Variants in FLYWCH1 observed in about 807,000 individuals in gnomAD.
FLYWCH1 encodes the protein FLYWCH-type zinc finger-containing protein 1.
In FLYWCH1, 75 loss-of-function variants were observed where a neutral mutation model predicts 66.4. The observed-to-expected ratio is 1.13, with a 90% CI of 0.94 to 1.37. FLYWCH1 has a LOEUF of 1.37. Among genes scored for constraint, FLYWCH1 ranks in the 40% most tolerant of loss-of-function variants. FLYWCH1 has a pLI of 0.00. For synonymous variants in FLYWCH1, 595 were observed against 429.9 expected (o/e 1.38, Z -4.75); for missense variants, 1,334 against 1,001.8 (o/e 1.33, Z -4.48).
intron 9 of FLYWCH1, chr16:2,943,562 A>G (rs1389851198): frequency 6.6e-6 from 1 of 151,852 alleles, no homozygotes; most frequent in East Asian, 1.9e-4. Context: ...ACAACCTCCA[A>G]CACGCTTTCA....
chr16:2,947,500 C>A (rs906546266), intron 9 of FLYWCH1, among the ~76,000 whole-genome samples: 2 of 152,186 alleles, frequency 1.3e-5, no homozygotes, highest in Admixed American at 1.3e-4. Flanking sequence ...GTGGCTCACG[C>A]CAGTCATGCC....
In FLYWCH1 at chr16:2,930,789, G is replaced by T. The variant is rs1195629463; in HGVS notation, c.705G>T (p.Val235=). 3.1e-6 allele frequency: 5 copies of T among 1,593,430 alleles called. No homozygotes were observed. The highest frequency in any genetic ancestry group is 4.3e-6 in the Non-Finnish European group (5 of 1,174,566). ...AGCCCGAGCCCACTCCTGGGCTGGT[G>T]CTGAGCAAGCCGGCCCTGGAGGAGG... is the stretch of plus-strand genomic sequence containing the variant. ...PEEPEPTPGL[V]LSKPALEEEE... Residue 235 remains valine (V), a synonymous_variant, in exon 4 of 10, where the codon GTG becomes GTT. Coordinates refer to ENST00000253928, the MANE Select transcript of FLYWCH1 (RefSeq NM_001308068.2).
At chr16:2,913,831 G>T (rs1004759405) in intron 1 of FLYWCH1, among the ~76,000 whole-genome samples, 3 of 151,644 alleles carry the variant, frequency 2.0e-5, no homozygotes, top group Admixed American at 2.0e-4. Flanking sequence ...TGGGAGGTGG[G>T]TAGACACTGG....
In FLYWCH1 at chr16:2,912,985, TTC is replaced by T. The variant is rs1229367506; in HGVS notation, c.-188+835_-188+836del. ...ATTTTCTCGTGTGATTATATCATGT[TTC>T]TCTTGTTCCTTTCCCAAGTGCTACT... On this transcript the variant is annotated intron_variant, in intron 1 of 9. Coordinates refer to ENST00000253928, the MANE Select transcript of FLYWCH1 (RefSeq NM_001308068.2). 3.3e-5 allele frequency: 5 copies of T among 152,358 alleles called. No homozygotes were observed. The East Asian group carries it at 9.6e-4, about 29-fold the overall frequency. 9.4% of individuals were successfully genotyped at this position (152,358 alleles called of 1,614,324 possible). A position where few individuals can be genotyped will look rare whatever the true frequency, so the allele number is the denominator to read the frequency against.
chr16:2,933,455 C>T lies in FLYWCH1; in HGVS notation c.1122C>T (p.Tyr374=), dbSNP rs1410156261. The change falls in exon 5 of 10, where the codon TAC becomes TAT. Residue 374 remains tyrosine (Y), a synonymous_variant. Transcript: ENST00000253928. ...TCCGAGGCGTGGATAGTTTGCTCTA[C>T]CGCAGGGGTCCGGGTCCCCTGACTC... ...TLLRGVDSLL[Y]RRGPGPLTLT... is the part of the protein sequence containing the mutation. The T allele has an allele frequency of 1.2e-6, 2 of 1,600,844 alleles. No homozygotes were observed. The highest frequency in any genetic ancestry group is 1.3e-5 in the African/African-American group (1 of 74,674).
intron 2 of FLYWCH1, chr16:2,922,924 C>G (rs941389960): frequency 2.9e-5 from 15 of 524,028 alleles, no homozygotes; most frequent in Admixed American, 7.8e-5. Context: ...GCTCGTTTCT[C>G]CTGGGGGCGC....
intron 8 of FLYWCH1, 63 bp downstream of exon 8, chr16:2,938,519 C>CCTG: frequency 6.9e-7 from 1 of 1,453,514 alleles, no homozygotes; most frequent in South Asian, 1.5e-5. Context: ...CAGCTCAGAA[C>CCTG]TGATGCCCCA....
intron 2 of FLYWCH1, among the ~76,000 whole-genome samples, chr16:2,916,430 T>C (rs2150883489): frequency 6.6e-6 from 1 of 151,856 alleles, no homozygotes; most frequent in East Asian, 2.0e-4. Flanking sequence ...AGTCAGGAGA[T>C]AGAGACCATC....
intron 3 of FLYWCH1, 130 bp downstream of exon 3, chr16:2,930,140 T>G: frequency 1.2e-6 from 1 of 854,354 alleles, no homozygotes; most frequent in Non-Finnish European, 1.8e-6. Flanking sequence ...TCTCTGATCC[T>G]GAGCGTGTCC....
At chr16:2,948,124 G>A (rs1044867091) in intron 9 of FLYWCH1, among the ~76,000 whole-genome samples, 2 of 152,152 alleles carry the variant, frequency 1.3e-5, no homozygotes, top group Non-Finnish European at 2.9e-5. Flanking sequence ...GTGGCTTCTA[G>A]GGCACGAATT....
Position 2,933,892 on chromosome 16 carries a change from G to T in FLYWCH1, c.1426G>T (p.Gly476Cys). 1 of 1,590,258 alleles carries T rather than the reference G, an allele frequency of 6.3e-7. No homozygotes were observed. The highest frequency in any genetic ancestry group is 2.3e-5 in the East Asian group (1 of 43,602). The change falls in exon 6 of 10, where the codon GGT becomes TGT. Residue 476 changes from glycine (G) to cysteine (C), a missense_variant. By Grantham distance (159) the Gly-to-Cys change is radical. Transcript: ENST00000253928. ...TQGRRVTVMR[G>C]HCHPPDLGGL... ...GGGCCGACGGGTGACTGTCATGCGT[G>T]GTCACTGCCACCCGCCCGACCTGGG...
Position 2,933,142 on chromosome 16 carries a change from C to G in FLYWCH1, c.809C>G (p.Pro270Arg), listed in dbSNP as rs1451751548. 6.2e-7 allele frequency: 1 copy of G among 1,613,182 alleles called. No individual in the cohort carries two copies. Among genetic ancestry groups the G allele is most frequent in the Non-Finnish European group, 8.5e-7 (1 of 1,179,632 alleles). ...RSILGLGQAR[P>R]LEFLRTCYGG... ...GTCTCTCCTCTAGGACAGGCCCGGC[C>G]CCTCGAGTTCCTGAGGACGTGCTAC... The change falls in exon 5 of 10, where the codon CCC (proline) becomes CGC (arginine). Residue 270 changes from proline to arginine, a missense_variant. Coordinates refer to ENST00000253928, the MANE Select transcript of FLYWCH1 (RefSeq NM_001308068.2).
At chr16:2,918,917 C>T (rs182484624) in intron 2 of FLYWCH1, among the ~76,000 whole-genome samples, 1 of 152,194 alleles carries the variant, frequency 6.6e-6, no homozygotes, top group East Asian at 1.9e-4. Context: ...GAAAGATAGT[C>T]TTTACTGAAT....
chr16:2,947,721 C>A (rs1435520626), intron 9 of FLYWCH1, among the ~76,000 whole-genome samples: 3 of 149,186 alleles, frequency 2.0e-5, no homozygotes, highest in Non-Finnish European at 4.4e-5. Flanking sequence ...GAGATTGCGC[C>A]ATTGCACTCC....
At chr16:2,933,691 C>G in intron 5 of FLYWCH1, 25 bp from the exon 6 acceptor site, 1 of 1,602,640 alleles carries the variant, frequency 6.2e-7, no homozygotes. Context: ...GTCCCCTCCC[C>G]TGACTGCCTC....
intron 8 of FLYWCH1, among the ~76,000 whole-genome samples, chr16:2,939,050 G>A (rs1055342987): frequency 1.3e-5 from 2 of 152,092 alleles, no homozygotes; most frequent in Non-Finnish European, 2.9e-5. Context: ...TGGGATTACA[G>A]GTGTGCACCA....
chr16:2,933,893 G>C lies in FLYWCH1; in HGVS notation c.1427G>C (p.Gly476Ala). 3 of 1,589,730 alleles carry C rather than the reference G, an allele frequency of 1.9e-6. No individual in the cohort carries two copies. Among genetic ancestry groups the C allele is most frequent in the Non-Finnish European group, 2.6e-6 (3 of 1,168,664 alleles). ...GGCCGACGGGTGACTGTCATGCGTG[G>C]TCACTGCCACCCGCCCGACCTGGGA... ...TQGRRVTVMR[G>A]HCHPPDLGGL... Residue 476 changes from glycine to alanine, a missense_variant, in exon 6 of 10, where the codon GGT (glycine) becomes GCT (alanine). By Grantham distance (60) the Gly-to-Ala change is moderately conservative. Coordinates refer to ENST00000253928, the MANE Select transcript of FLYWCH1 (RefSeq NM_001308068.2).
intron 8 of FLYWCH1, among the ~76,000 whole-genome samples, chr16:2,939,500 A>AACT (rs1479087825): frequency 5.5e-5 from 8 of 144,986 alleles, no homozygotes; most frequent in African/African-American, 1.8e-4. Flanking sequence ...ACATGGTGAA[A>AACT]CCTTGAAAGA....
chr16:2,942,884 T>C (rs2071329983), intron 9 of FLYWCH1, among the ~76,000 whole-genome samples: 2 of 151,974 alleles, frequency 1.3e-5, no homozygotes, highest in African/African-American at 4.8e-5. Context: ...GTATTTTTAG[T>C]GGAGACGGGG....
Sources: allele counts gnomAD v4.1 joint callset (sites outside exome capture counted in the v4.1 genomes callset), GRCh38; gene constraint gnomAD v4.1.1; transcripts MANE v1.5; gene names NCBI Gene and HGNC (gene_info 2026-07-23, HGNC 2026-07-21).